CLDN16: variants seen among roughly 807,000 people sequenced by gnomAD.
CLDN16 encodes the protein claudin-16.
Under a neutral mutation model 24.6 loss-of-function variants are expected in CLDN16, and 13 were observed. That is an observed-to-expected ratio of 0.53 (90% CI 0.34 to 0.84). The LOEUF (loss-of-function observed/expected upper bound fraction) is 0.84, where lower values mean the gene tolerates loss of function less well. Among genes scored for constraint, CLDN16 ranks in the 40% least tolerant of loss-of-function variants. The probability of loss-of-function intolerance (pLI) is 0.01; values close to 1 mark genes in which losing one functional copy is unlikely to be tolerated. For missense variants in CLDN16, 298 were observed against 292.7 expected (o/e 1.02, Z -0.13); for synonymous variants, 116 against 106.7 (o/e 1.09, Z -0.54).
At chr3:190,390,511 C>T (rs1008710112) in intron 1 of CLDN16, among the ~76,000 whole-genome samples, 7 of 150,988 alleles carry the variant, frequency 4.6e-5, no homozygotes, top group Admixed American at 3.3e-4. Flanking sequence ...TCCAGCCTGG[C>T]GACAGAGCGA....
chr3:190,363,556 G>GTGTATATATATATATATATA (rs1301414615), intron 1 of CLDN16, among the ~76,000 whole-genome samples: 16 of 87,386 alleles, frequency 1.8e-4, no homozygotes, highest in African/African-American at 7.1e-4. Context: ...GTGTGTGTGT[G>GTGTATATATATATATATATA]TATATATATA....
the CLDN16 span, among the ~76,000 whole-genome samples, chr3:190,315,517 C>T: frequency 2.0e-5 from 3 of 151,934 alleles, no homozygotes; most frequent in East Asian, 3.9e-4. Flanking sequence ...GAGAAAGGGG[C>T]GACATGATTT....
chr3:190,402,202 G>A (rs1718979782), intron 1 of CLDN16, 135 bp from the exon 2 acceptor site: 1 of 740,016 alleles, frequency 1.4e-6, no homozygotes, highest in Non-Finnish European at 2.5e-6. Context: ...ATTGTTTGTT[G>A]TAAATGAAGT....
chr3:190,324,211 A>G (rs1422921369), intron 1 of CLDN16, among the ~76,000 whole-genome samples: 2 of 152,218 alleles, frequency 1.3e-5, no homozygotes, highest in African/African-American at 2.4e-5. Flanking sequence ...GGCCAGGCGC[A>G]GTGGCTCACG....
At chr3:190,333,398 T>C (rs1288902480) in intron 1 of CLDN16, among the ~76,000 whole-genome samples, 1 of 152,184 alleles carries the variant, frequency 6.6e-6, no homozygotes, top group Non-Finnish European at 1.5e-5. Context: ...ATTACCCATT[T>C]TGAGTGCCTT....
intron 1 of CLDN16, among the ~76,000 whole-genome samples, chr3:190,340,214 G>C (rs372331119): frequency 6.6e-6 from 1 of 152,126 alleles, no homozygotes. Flanking sequence ...ATAAACAATG[G>C]GAAGAAACTG....
intron 2 of CLDN16, chr3:190,371,010 A>C (rs559624547): frequency 6.7e-4 from 20 of 29,798 alleles, no homozygotes; most frequent in African/African-American, 2.7e-3. Flanking sequence ...ATGTGAGTTA[A>C]TACCTTTATA....
intron 1 of CLDN16, among the ~76,000 whole-genome samples, chr3:190,399,903 G>A (rs1353140733): frequency 1.3e-5 from 2 of 152,080 alleles, no homozygotes; most frequent in Non-Finnish European, 2.9e-5. Flanking sequence ...GGCAGTATTC[G>A]ATTCTCATAG....
chr3:190,354,796 A>T (rs1398469759), intron 1 of CLDN16, among the ~76,000 whole-genome samples: 1 of 152,038 alleles, frequency 6.6e-6, no homozygotes, highest in Non-Finnish European at 1.5e-5. Context: ...AGAGATGGGA[A>T]ACCCTAAAGG....
the CLDN16 span, among the ~76,000 whole-genome samples, chr3:190,309,342 T>TG: frequency 6.6e-6 from 1 of 152,204 alleles, no homozygotes; most frequent in Non-Finnish European, 1.5e-5. Flanking sequence ...GTAAATCTTA[T>TG]GGGATGGGCT....
chr3:190,316,091 A>G, the CLDN16 span, among the ~76,000 whole-genome samples: 1 of 152,358 alleles, frequency 6.6e-6, no homozygotes, highest in Middle Eastern at 3.4e-3. Context: ...ATTCTGTTCT[A>G]TGATTGCTAA....
chr3:190,331,724 A>T (rs895671290), intron 1 of CLDN16, among the ~76,000 whole-genome samples: 1 of 152,194 alleles, frequency 6.6e-6, no homozygotes, highest in Non-Finnish European at 1.5e-5. Context: ...TTAGTCTATT[A>T]GTTTTCTGTG....
chr3:190,349,850 G>A (rs1455368035), intron 1 of CLDN16, among the ~76,000 whole-genome samples: 1 of 152,168 alleles, frequency 6.6e-6, no homozygotes, highest in African/African-American at 2.4e-5. Context: ...GCCTATCCTA[G>A]GGTAGAGCCC....
exon 1 of CLDN16, chr3:190,322,628 C>T (rs34383070): frequency 0.012 from 3,237 of 264,650 alleles, 64 homozygotes; most frequent in Non-Finnish European, 0.018. Context: ...AGCTGCGTCC[C>T]TGCTCGCTTT....
intron 1 of CLDN16, among the ~76,000 whole-genome samples, chr3:190,370,430 T>C (rs1718113994): frequency 2.0e-5 from 3 of 152,000 alleles, no homozygotes; most frequent in Admixed American, 2.0e-4. Flanking sequence ...TTGAGTGTCA[T>C]ACATCTTGGT....
intron 2 of CLDN16, among the ~76,000 whole-genome samples, chr3:190,403,518 CA>C (rs1415776595): frequency 6.6e-6 from 1 of 152,040 alleles, no homozygotes; most frequent in Non-Finnish European, 1.5e-5. Flanking sequence ...GTTATGAAAG[CA>C]AAGTGGTTTT....
intron 1 of CLDN16, among the ~76,000 whole-genome samples, chr3:190,327,691 T>A (rs1297455771): frequency 6.6e-6 from 1 of 152,134 alleles, no homozygotes; most frequent in African/African-American, 2.4e-5. Flanking sequence ...CCTTTGTATC[T>A]CTCCAAAGTT....
chr3:190,359,675 A>C (rs1467039645), intron 1 of CLDN16, among the ~76,000 whole-genome samples: 1 of 152,034 alleles, frequency 6.6e-6, no homozygotes, highest in African/African-American at 2.4e-5. Flanking sequence ...TTTACAACTA[A>C]TGTGATCTGT....
chr3:190,312,806 G>T, the CLDN16 span: 5 of 1,555,658 alleles, frequency 3.2e-6, no homozygotes, highest in Non-Finnish European at 4.4e-6. Flanking sequence ...TGAATCCAAC[G>T]TAATAGATTT....
Sources: gnomAD v4.1 joint callset for allele counts (sites outside exome capture counted in the v4.1 genomes callset) on GRCh38, gnomAD v4.1.1 for gene constraint, MANE v1.5 for transcripts, NCBI Gene and HGNC (gene_info 2026-07-23, HGNC 2026-07-21) for gene names.